KCTD9: variants seen among roughly 807,000 people sequenced by gnomAD.
KCTD9 encodes potassium channel tetramerization domain containing 9, also known as BTB/POZ domain-containing protein KCTD9.
In KCTD9, 17 loss-of-function variants were observed where a neutral mutation model predicts 53.3. That is an observed-to-expected ratio of 0.32 (90% CI 0.22 to 0.48). KCTD9 has a LOEUF of 0.48. Among genes scored for constraint, KCTD9 ranks in the 20% least tolerant of loss-of-function variants. The pLI, the probability that KCTD9 is intolerant of heterozygous loss-of-function variation, is 0.99. For synonymous variants in KCTD9, 128 were observed against 162.7 expected (o/e 0.79, Z 1.62); for missense variants, 179 against 465.5 (o/e 0.38, Z 5.66).
intron 1 of KCTD9, chr8:25,457,685 T>C (rs1316533407): frequency 1.3e-5 from 2 of 152,364 alleles, no homozygotes; most frequent in Non-Finnish European, 2.9e-5. Context: ...TTAAAAATCC[T>C]GTCTGCGACC....
intron 1 of KCTD9, among the ~76,000 whole-genome samples, chr8:25,452,582 G>A (rs953062991): frequency 5.9e-5 from 9 of 152,256 alleles, no homozygotes; most frequent in African/African-American, 1.9e-4. Flanking sequence ...AAGTCCAGCA[G>A]TTTTCTCAAG....
intron 1 of KCTD9, chr8:25,450,291 TC>T (rs1311778660): frequency 1.0e-6 from 1 of 977,834 alleles, no homozygotes; most frequent in Non-Finnish European, 1.2e-6. Context: ...TGACCAATTA[TC>T]CCTTGGTAAA....
At chr8:25,457,947 A>G (rs1802498409) in intron 1 of KCTD9, among the ~76,000 whole-genome samples, 1 of 144,820 alleles carries the variant, frequency 6.9e-6, no homozygotes, top group Non-Finnish European at 1.5e-5. Flanking sequence ...CATCCGGGAG[A>G]CCCGGAGCCC....
rs1301401282 is a variant in KCTD9 at position 25,453,764 on chromosome 8, C to T, written c.48+4435G>A. 2.0e-5 allele frequency among the ~76,000 whole-genome samples: 3 copies of T among 151,862 alleles called. No individual in the cohort carries two copies. The East Asian group carries it at 5.8e-4, about 29-fold the overall frequency. ...AGGAGTACAGGAACGTGGATAAACACATTATGTTATTGATAACATGCTACT... is the reference window on the plus strand; with the variant it reads ...AGGAGTACAGGAACGTGGATAAACATATTATGTTATTGATAACATGCTACT... On this transcript the variant is annotated intron_variant, in intron 1 of 11. Coordinates refer to ENST00000221200, the MANE Select transcript of KCTD9 (RefSeq NM_017634.4).
rs1047930451 is a variant in KCTD9 at position 25,440,019 on chromosome 8, A to G, written c.312-355T>C. ...ACAAATTTCAGTAGTGTTAATTTTT[A>G]CTTATATTGTGTGTTTATTACTCAA... On this transcript the variant is annotated intron_variant, in intron 4 of 11. Coordinates refer to ENST00000221200, the MANE Select transcript of KCTD9 (RefSeq NM_017634.4). Among the ~76,000 whole-genome samples the G allele has an allele frequency of 2.6e-5, 4 of 151,428 alleles. No homozygotes were observed. In the South Asian group the frequency reaches 8.3e-4, roughly 32 times the overall value.
At chr8:25,440,197 T>C (rs911569448) in intron 4 of KCTD9, among the ~76,000 whole-genome samples, 93 of 150,928 alleles carry the variant, frequency 6.2e-4, no homozygotes, top group African/African-American at 2.2e-3. Context: ...TAGCTGGGAC[T>C]ACAGGCGCCC....
At chr8:25,445,847 C>T (rs913536067) in intron 2 of KCTD9, among the ~76,000 whole-genome samples, 9 of 151,476 alleles carry the variant, frequency 5.9e-5, no homozygotes, top group African/African-American at 2.2e-4. Context: ...AAAAACTGCA[C>T]GTCTTACTAG....
chr8:25,435,852 T>C (rs1802006596), intron 8 of KCTD9, among the ~76,000 whole-genome samples: 5 of 152,188 alleles, frequency 3.3e-5, no homozygotes, highest in African/African-American at 1.2e-4. Flanking sequence ...AATTCAGTAA[T>C]TCAAAACAGT....
At chr8:25,456,432 T>C (rs542711456) in intron 1 of KCTD9, among the ~76,000 whole-genome samples, 30 of 152,298 alleles carry the variant, frequency 2.0e-4, no homozygotes, top group African/African-American at 7.2e-4. Flanking sequence ...ATAAGAATAA[T>C]TATAAATTTT....
chr8:25,457,873 C>A lies in KCTD9; in HGVS notation c.48+326G>T, dbSNP rs1400602580. On this transcript the variant is annotated intron_variant, in intron 1 of 11. Transcript: ENST00000221200. ...GGGGAGAGGCGGGAAGAGGCGCGAC[C>A]GCCCGGGCGCCCAGGTGACCGCGGC... The A allele has an allele frequency of 6.2e-5, 13 of 209,836 alleles. No individual in the cohort carries two copies. In the East Asian group the frequency reaches 1.2e-3, roughly 19 times the overall value. 13.0% of individuals were successfully genotyped at this position (209,836 alleles called of 1,614,324 possible).
rs4056575 is a variant in KCTD9 at position 25,428,655 on chromosome 8, T to TA, written c.*1201dup. The TA allele has an allele frequency of 0.061, 8,856 of 144,688 alleles. 841 individuals are homozygous for TA. Among genetic ancestry groups the TA allele is most frequent in the African/African-American group, 0.21 (8,171 of 39,854 alleles). 9.0% of individuals were successfully genotyped at this position (144,688 alleles called of 1,614,324 possible). On this transcript the variant is annotated 3_prime_UTR_variant, in exon 12 of 12. Coordinates refer to ENST00000221200, the MANE Select transcript of KCTD9 (RefSeq NM_017634.4). ...CAAGAAAATTGGGCTAAAATTTGTT[T>TA]AAAAAAAAAAAACCACAAAAAAATA...
At position 25,454,389 on chromosome 8, in the gene KCTD9, G is replaced by C. The variant is rs960868255; in HGVS notation, c.48+3810C>G. On this transcript the variant is annotated intron_variant, in intron 1 of 11. Coordinates refer to ENST00000221200, the MANE Select transcript of KCTD9 (RefSeq NM_017634.4). Reference sequence around the variant, plus strand: ...AATTAATCAGTATACAAAAGGCCTAGGACTTGCACAGCTCATTATTGAATA... The same window carrying C: ...AATTAATCAGTATACAAAAGGCCTACGACTTGCACAGCTCATTATTGAATA... Among the ~76,000 whole-genome samples the C allele has an allele frequency of 7.2e-5, 11 of 152,242 alleles. No homozygotes were observed. The East Asian group carries it at 1.2e-3, about 16-fold the overall frequency.
chr8:25,446,509 C>T (rs900507818), intron 1 of KCTD9, among the ~76,000 whole-genome samples: 1 of 151,902 alleles, frequency 6.6e-6, no homozygotes, highest in African/African-American at 2.4e-5. Flanking sequence ...AATAGCGCTC[C>T]AGTTGTGAAG....
At chr8:25,437,690 A>T (rs1376660760) in intron 6 of KCTD9, among the ~76,000 whole-genome samples, 1 of 151,488 alleles carries the variant, frequency 6.6e-6, no homozygotes, top group Non-Finnish European at 1.5e-5. Context: ...AACAAAAAAA[A>T]TACAAATATT....
At chr8:25,456,360 C>A (rs988692583) in intron 1 of KCTD9, among the ~76,000 whole-genome samples, 1 of 152,164 alleles carries the variant, frequency 6.6e-6, no homozygotes, top group Non-Finnish European at 1.5e-5. Context: ...TCATGCCAAT[C>A]CAATTAGTCA....
chr8:25,446,034 C>A, intron 2 of KCTD9, 95 bp downstream of exon 2: 2 of 1,494,056 alleles, frequency 1.3e-6, no homozygotes, highest in South Asian at 1.3e-5. Flanking sequence ...AAATCCTGTA[C>A]TCTTAACAGT....
chr8:25,450,386 T>G, intron 1 of KCTD9: 1 of 985,136 alleles, frequency 1.0e-6, no homozygotes, highest in Non-Finnish European at 1.2e-6. Flanking sequence ...TTACCTGGCT[T>G]ACAGCAGGTC....
At position 25,450,476 on chromosome 8, in the gene KCTD9, C is replaced by G. The variant is rs1802299597; in HGVS notation, c.49-4226G>C. ...GTGACAGTCATATTCATTTAAGTCT[C>G]TTACACTGTCATTAGGGTAAAAAAA... On this transcript the variant is annotated intron_variant, in intron 1 of 11. Transcript: ENST00000221200. The G allele has an allele frequency of 5.1e-6, 5 of 979,102 alleles. No individual in the cohort carries two copies. In the Admixed American group the frequency reaches 1.8e-4, roughly 36 times the overall value. The allele number at this position is 979,102 out of a possible 1,614,324, so 60.7% of individuals were successfully genotyped here.
intron 1 of KCTD9, among the ~76,000 whole-genome samples, chr8:25,448,792 GTAGTC>G (rs1223956428): frequency 6.6e-6 from 1 of 152,070 alleles, no homozygotes; most frequent in Non-Finnish European, 1.5e-5. Context: ...GCGTGTGCCT[GTAGTC>G]CCAGCTACTT....
Sources: gnomAD v4.1 joint callset for allele counts (sites outside exome capture counted in the v4.1 genomes callset) on GRCh38, gnomAD v4.1.1 for gene constraint, MANE v1.5 for transcripts, NCBI Gene and HGNC (gene_info 2026-07-23, HGNC 2026-07-21) for gene names.